The following AZU1 variants were observed in gnomAD, a reference collection of about 807,000 sequenced individuals.
AZU1 encodes azurocidin.
In AZU1, 21 loss-of-function variants were observed where a neutral mutation model predicts 17.8. The observed-to-expected ratio is 1.18, with a 90% confidence interval of 0.84 to 1.70. The LOEUF (loss-of-function observed/expected upper bound fraction) is 1.70, where lower values mean the gene tolerates loss of function less well. Among genes scored for constraint, AZU1 ranks in the 40% most tolerant of loss-of-function variants. The pLI, the probability that AZU1 is intolerant of heterozygous loss-of-function variation, is 0.00. For missense variants in AZU1, 379 were observed against 362.9 expected (o/e 1.04, Z -0.36); for synonymous variants, 178 against 155.2 (o/e 1.15, Z -1.09).
intron 4 of AZU1, 133 bp downstream of exon 4, chr19:831,074 C>G (rs2035282831): frequency 1.4e-6 from 1 of 716,782 alleles, no homozygotes; most frequent in East Asian, 2.8e-5. Flanking sequence ...GTAGGAGAAA[C>G]AGTATCTTTT....
Position 830,704 on chromosome 19 carries a change from C to T in AZU1, c.361-4C>T, listed in dbSNP as rs1266121222. On this transcript the variant is annotated splice_polypyrimidine_tract_variant and splice_region_variant and intron_variant, in intron 3 of 4. Transcript: ENST00000233997. Reference sequence around the variant, plus strand: ...CCCTCCCCTGACTCCATTTCCTTCCCCAGCTGGACCGTGAGGCCAACCTCA... The same window carrying T: ...CCCTCCCCTGACTCCATTTCCTTCCTCAGCTGGACCGTGAGGCCAACCTCA... 1 of 1,551,184 alleles carries T rather than the reference C, an allele frequency of 6.4e-7. No homozygotes were observed. Among genetic ancestry groups the T allele is most frequent in the Non-Finnish European group, 8.7e-7 (1 of 1,152,272 alleles).
chr19:828,221 C>T lies in AZU1; in HGVS notation c.59-9C>T, dbSNP rs757628322. Reference sequence around the variant, plus strand: ...TTGGGGATCTCAGAGCTGTCTCCCCCCGACCCAGGCTCCAGCCCCCTTTTG... The same window carrying T: ...TTGGGGATCTCAGAGCTGTCTCCCCTCGACCCAGGCTCCAGCCCCCTTTTG... On this transcript the variant is annotated splice_polypyrimidine_tract_variant and intron_variant, in intron 1 of 4. Coordinates refer to ENST00000233997, the MANE Select transcript of AZU1 (RefSeq NM_001700.5). The T allele has an allele frequency of 1.4e-5, 23 of 1,593,084 alleles. No homozygotes were observed. The East Asian group carries it at 4.9e-4, about 34-fold the overall frequency.
Position 830,943 on chromosome 19 carries a change from T to G in AZU1, c.594+2T>G. 6.2e-7 allele frequency: 1 copy of G among 1,600,058 alleles called. No individual in the cohort carries two copies. On this transcript the variant is annotated splice_donor_variant, in intron 4 of 4. Transcript: ENST00000233997. LOFTEE classifies it high-confidence loss of function. ...ACCCGCCGCGGTGGCATCTGCAATG[T>G]GAGTGCTCCCTGTGGCGGGAGGAGG...
In AZU1 at chr19:829,612, G is replaced by T; in HGVS notation, c.266G>T (p.Arg89Leu). The T allele has an allele frequency of 6.2e-7, 1 of 1,613,318 alleles. No homozygotes were observed. Among genetic ancestry groups the T allele is most frequent in the Non-Finnish European group, 8.5e-7 (1 of 1,179,962 alleles). Residue 89 changes from arginine (R) to leucine (L), a missense_variant, in exon 3 of 5, where the codon CGG becomes CTG. Coordinates refer to ENST00000233997, the MANE Select transcript of AZU1 (RefSeq NM_001700.5). Reference protein sequence around the residue: ...VVLGAYDLRRRERQSRQTFSI... With the variant: ...VVLGAYDLRRLERQSRQTFSI... ...CTGGGTGCCTATGACCTGAGGCGGC[G>T]GGAGAGGCAGTCCCGCCAGACGTTT...
At chr19:831,368 G>T (rs1404296855) in intron 4 of AZU1, 2 of 344,666 alleles carry the variant, frequency 5.8e-6, no homozygotes, top group South Asian at 5.4e-5. Context: ...ATGAGCCACC[G>T]TGCCTGGCTG....
intron 3 of AZU1, 143 bp downstream of exon 3, chr19:829,849 G>T (rs999365903): frequency 2.7e-4 from 342 of 1,253,248 alleles, no homozygotes; most frequent in Non-Finnish European, 3.4e-4. Flanking sequence ...TGTGCTTCAG[G>T]AGGCCGAGGC....
In AZU1 at chr19:830,632, C is replaced by T. The variant is rs1037907942; in HGVS notation, c.361-76C>T. ...TACAGACTACAGTTAATGTCGCTGACACTTCTGCTCCCAGGGGTCCCCATG... is the reference window on the plus strand; with the variant it reads ...TACAGACTACAGTTAATGTCGCTGATACTTCTGCTCCCAGGGGTCCCCATG... On this transcript the variant is annotated intron_variant, in intron 3 of 4. Transcript: ENST00000233997. 4.8e-6 allele frequency: 6 copies of T among 1,247,594 alleles called. No individual in the cohort carries two copies. The Admixed American group carries it at 1.5e-4, about 31-fold the overall frequency. 77.3% of individuals were successfully genotyped at this position (1,247,594 alleles called of 1,614,324 possible). A position where few individuals can be genotyped will look rare whatever the true frequency, so the allele number is the denominator to read the frequency against.
intron 2 of AZU1, among the ~76,000 whole-genome samples, chr19:829,227 C>A (rs112680552): frequency 1.6e-3 from 30 of 19,040 alleles, no homozygotes; most frequent in African/African-American, 3.3e-3. Context: ...TGGGGGAGGC[C>A]CAGATAAGGG....
chr19:828,797 C>T (rs1434275753), intron 2 of AZU1, among the ~76,000 whole-genome samples: 18 of 106,456 alleles, frequency 1.7e-4, no homozygotes, highest in Non-Finnish European at 1.9e-4. Flanking sequence ...ATGGGGGAGG[C>T]CCAGAGAAGG....
chr19:830,621 A>T (rs653847), intron 3 of AZU1, 87 bp from the exon 4 acceptor site: 103,417 of 1,138,424 alleles, frequency 0.091, 5,533 homozygotes, highest in Non-Finnish European at 0.1. Context: ...GACTACAGTT[A>T]ATGTCGCTGA....
chr19:830,730 C>T lies in AZU1; in HGVS notation c.383C>T (p.Thr128Ile), dbSNP rs1448449411. 1.9e-6 allele frequency: 3 copies of T among 1,584,672 alleles called. No homozygotes were observed. The highest frequency in any genetic ancestry group is 1.7e-5 in the Admixed American group (1 of 59,014). ...LLQLDREANL[T>I]SSVTILPLPL... is the part of the protein sequence containing the mutation. ...CAGCTGGACCGTGAGGCCAACCTCA[C>T]CAGCAGCGTGACGATACTGCCACTG... is the stretch of plus-strand genomic sequence containing the variant. The change falls in exon 4 of 5, where the codon ACC (threonine) becomes ATC (isoleucine). Residue 128 changes from threonine to isoleucine, a missense_variant. By Grantham distance (89) the Thr-to-Ile change is moderately conservative (BLOSUM62 -1). Transcript: ENST00000233997.
rs1473568377 is a variant in AZU1 at position 830,830 on chromosome 19, G to A, written c.483G>A (p.Gly161=). The A allele has an allele frequency of 1.2e-6, 2 of 1,607,942 alleles. No individual in the cohort carries two copies. The highest frequency in any genetic ancestry group is 1.7e-5 in the Admixed American group (1 of 60,008). The part of the protein sequence containing the change: ...VAGWGSQRSG[G]RLSRFPRFVN... ...GCTGGGGGAGCCAGCGCAGTGGGGG[G>A]CGTCTCTCCCGTTTTCCCAGGTTTG... The change falls in exon 4 of 5, where the codon GGG becomes GGA. Residue 161 remains glycine (G), a synonymous_variant. Transcript: ENST00000233997.
At chr19:830,455 A>T (rs1331809495) in intron 3 of AZU1, among the ~76,000 whole-genome samples, 1 of 152,182 alleles carries the variant, frequency 6.6e-6, no homozygotes, top group Non-Finnish European at 1.5e-5. Context: ...AAAAAATTTA[A>T]AAAAGTAGAG....
chr19:828,137 C>G, intron 1 of AZU1, 93 bp from the exon 2 acceptor site: 1 of 1,446,520 alleles, frequency 6.9e-7, no homozygotes. Context: ...CGCAGCCCCA[C>G]TGGGTGGATA....
In AZU1 at chr19:830,923, C is replaced by T. The variant is rs1294847729; in HGVS notation, c.576C>T (p.Arg192=). 10 of 1,602,066 alleles carry T rather than the reference C, an allele frequency of 6.2e-6. 1 individual carries two copies. The highest frequency in any genetic ancestry group is 6.8e-6 in the Non-Finnish European group (8 of 1,179,932). The change falls in exon 4 of 5, where the codon CGC becomes CGT. Residue 192 remains arginine (R), a synonymous_variant. Coordinates refer to ENST00000233997, the MANE Select transcript of AZU1 (RefSeq NM_001700.5). The part of the protein sequence containing the change: ...PNNVCTGVLT[R]RGGICNGDGG... ...ACGTGTGCACCGGTGTGCTCACCCGCCGCGGTGGCATCTGCAATGTGAGTG... is the reference window on the plus strand; with the variant it reads ...ACGTGTGCACCGGTGTGCTCACCCGTCGCGGTGGCATCTGCAATGTGAGTG...
rs889750979 is a variant in AZU1, at chr19:829,659, A to G, written c.313A>G (p.Asn105Asp). The change falls in exon 3 of 5, where the codon AAT becomes GAT. Residue 105 changes from asparagine to aspartate, a missense_variant. By Grantham distance (23) the Asn-to-Asp change is conservative (BLOSUM62 1). Coordinates refer to ENST00000233997, the MANE Select transcript of AZU1 (RefSeq NM_001700.5). ...GTTTTCCATCAGCAGCATGAGCGAG[A>G]ATGGCTACGACCCCCAGCAGAACCT... ...QTFSISSMSE[N>D]GYDPQQNLND... The G allele has an allele frequency of 3.1e-6, 5 of 1,613,396 alleles. No homozygotes were observed. In the East Asian group the frequency reaches 8.9e-5, roughly 29 times the overall value.
Position 830,689 on chromosome 19 carries a change from A to C in AZU1, c.361-19A>C. ...CAGTCCCCAGGGCCACCCTCCCCTG[A>C]CTCCATTTCCTTCCCCAGCTGGACC... is the stretch of plus-strand genomic sequence containing the variant. On this transcript the variant is annotated intron_variant, in intron 3 of 4. Transcript: ENST00000233997. 1 of 1,537,666 alleles carries C rather than the reference A, an allele frequency of 6.5e-7. No homozygotes were observed. The highest frequency in any genetic ancestry group is 8.7e-7 in the Non-Finnish European group (1 of 1,145,462).
chr19:828,236 G>T lies in AZU1; in HGVS notation c.65G>T (p.Ser22Ile). Residue 22 changes from serine (S) to isoleucine (I), a missense_variant, in exon 2 of 5, where the codon AGC becomes ATC. By Grantham distance (142) the Ser-to-Ile change is moderately radical. Coordinates refer to ENST00000233997, the MANE Select transcript of AZU1 (RefSeq NM_001700.5). ...GLLASSRAGS[S>I]PLLDIVGGRK... Reference sequence around the variant, plus strand: ...CTGTCTCCCCCCGACCCAGGCTCCAGCCCCCTTTTGGACATCGTTGGCGGC... The same window carrying T: ...CTGTCTCCCCCCGACCCAGGCTCCATCCCCCTTTTGGACATCGTTGGCGGC... 1 of 1,604,680 alleles carries T rather than the reference G, an allele frequency of 6.2e-7. No homozygotes were observed. The highest frequency in any genetic ancestry group is 1.1e-5 in the South Asian group (1 of 90,198).
In AZU1 at chr19:831,904, C is replaced by T; in HGVS notation, c.*27C>T. The T allele has an allele frequency of 6.3e-7, 1 of 1,596,040 alleles. No individual in the cohort carries two copies. ...GGGGCCTGTGACCTCCCATGGAGCC[C>T]AGCCCCGCCCTCCACACCTCCGGCG... On this transcript the variant is annotated 3_prime_UTR_variant, in exon 5 of 5. Coordinates refer to ENST00000233997, the MANE Select transcript of AZU1 (RefSeq NM_001700.5).
Sources: allele counts gnomAD v4.1 joint callset (sites outside exome capture counted in the v4.1 genomes callset), GRCh38; gene constraint gnomAD v4.1.1; transcripts MANE v1.5; gene names NCBI Gene and HGNC (gene_info 2026-07-23, HGNC 2026-07-21).